TEX264: variants seen among roughly 807,000 people sequenced by gnomAD.
The protein encoded by TEX264 is testis-expressed protein 264.
A neutral mutation model predicts 23.4 loss-of-function variants in TEX264; 13 were observed. The ratio of observed to expected loss-of-function variants is 0.56; its 90% confidence interval spans 0.36 to 0.88. The LOEUF (loss-of-function observed/expected upper bound fraction) is 0.88, where lower values mean the gene tolerates loss of function less well. TEX264 is among the 40% of genes least tolerant of loss of function. The pLI, the probability that TEX264 is intolerant of heterozygous loss-of-function variation, is 0.01. For synonymous variants in TEX264, 159 were observed against 170.0 expected (o/e 0.94, Z 0.50); for missense variants, 340 against 406.8 (o/e 0.84, Z 1.41).
chr3:51,685,679 C>T (rs1357974898), intron 3 of TEX264, among the ~76,000 whole-genome samples: 1 of 152,190 alleles, frequency 6.6e-6, no homozygotes, highest in East Asian at 1.9e-4. Flanking sequence ...GTTGGAGCCA[C>T]GTCTGTACAA....
chr3:51,671,387 C>T (rs1248092775), intron 1 of TEX264, 99 bp downstream of exon 1: 1 of 152,788 alleles, frequency 6.5e-6, no homozygotes, highest in Non-Finnish European at 1.5e-5. Context: ...CGTGTCCCCT[C>T]CGTGACCCCC....
chr3:51,690,540 A>G (rs1004495921), intron 3 of TEX264, among the ~76,000 whole-genome samples: 1 of 149,212 alleles, frequency 6.7e-6, no homozygotes, highest in African/African-American at 2.5e-5. Flanking sequence ...CCTGGGTGAC[A>G]GAGCAAGACT....
rs372279086 is a variant in TEX264 at position 51,684,518 on chromosome 3, G to A, written c.364G>A (p.Val122Met). The A allele has an allele frequency of 5.6e-6, 9 of 1,614,056 alleles. No homozygotes were observed. Among genetic ancestry groups the A allele is most frequent in the African/African-American group, 2.7e-5 (2 of 74,914 alleles). ...IDLYQKFGFKVFSFPAPSHVV... is the reference protein window; with the variant it reads ...IDLYQKFGFKMFSFPAPSHVV... ...CCTCTACCAGAAATTTGGCTTCAAG[G>A]TGTTCTCCTTCCCGGCACCCAGCCA... The change falls in exon 3 of 5, where the codon GTG becomes ATG. Residue 122 changes from valine to methionine, a missense_variant. Val to Met is a conservative substitution (Grantham distance 21). Coordinates refer to ENST00000341333, the MANE Select transcript of TEX264 (RefSeq NM_015926.6).
intron 2 of TEX264, among the ~76,000 whole-genome samples, chr3:51,674,991 C>T (rs921505982): frequency 6.6e-6 from 1 of 152,220 alleles, no homozygotes; most frequent in African/African-American, 2.4e-5. Context: ...CATCCCTCAG[C>T]TCTTCTGCCA....
At chr3:51,693,336 A>G (rs1052078841) in intron 3 of TEX264, among the ~76,000 whole-genome samples, 1 of 152,024 alleles carries the variant, frequency 6.6e-6, no homozygotes, top group African/African-American at 2.4e-5. Flanking sequence ...CCACTCCTGC[A>G]GTCTTCCCCA....
At chr3:51,696,854 C>G (rs975882547) in intron 3 of TEX264, among the ~76,000 whole-genome samples, 2 of 152,212 alleles carry the variant, frequency 1.3e-5, no homozygotes, top group African/African-American at 4.8e-5. Context: ...CTCCATGCCT[C>G]CCTCCAGTAG....
intron 1 of TEX264, among the ~76,000 whole-genome samples, chr3:51,673,158 C>T (rs1385778273): frequency 6.6e-6 from 1 of 152,178 alleles, no homozygotes; most frequent in East Asian, 1.9e-4. Flanking sequence ...AAAGTTGCAG[C>T]GTGGCCTTTT....
chr3:51,681,741 G>A (rs1308017594), intron 2 of TEX264: 1 of 152,238 alleles, frequency 6.6e-6, no homozygotes, highest in Admixed American at 6.5e-5. Context: ...CTGCCATGCA[G>A]ACACTCAGTT....
intron 2 of TEX264, chr3:51,681,713 C>T (rs930124801): frequency 6.6e-6 from 1 of 152,234 alleles, no homozygotes; most frequent in Non-Finnish European, 1.5e-5. Flanking sequence ...GGGCCAGAGC[C>T]TGGATCTGTC....
chr3:51,676,562 A>C (rs935085719), intron 2 of TEX264, among the ~76,000 whole-genome samples: 1 of 152,224 alleles, frequency 6.6e-6, no homozygotes, highest in African/African-American at 2.4e-5. Flanking sequence ...TGAGGCTAGC[A>C]GTCCCGAGTT....
At position 51,686,270 on chromosome 3, in the gene TEX264, C is replaced by T. The variant is rs976724692; in HGVS notation, c.480+1636C>T. Among the ~76,000 whole-genome samples the T allele has an allele frequency of 2.0e-5, 3 of 152,132 alleles. No homozygotes were observed. The highest frequency in any genetic ancestry group is 1.9e-4 in the East Asian group (1 of 5,188). On this transcript the variant is annotated intron_variant, in intron 3 of 4. Coordinates refer to ENST00000341333, the MANE Select transcript of TEX264 (RefSeq NM_015926.6). The surrounding 1 kb of genome is among the most constrained non-coding windows in gnomAD (Gnocchi z 4.1). ...GGACAGCCTGTGGCAGCAAAGGCTG[C>T]GCAGAGGGCGTGGCCAGTGTGGCAG...
intron 3 of TEX264, among the ~76,000 whole-genome samples, chr3:51,692,040 T>A (rs947975184): frequency 1.3e-5 from 2 of 151,964 alleles, no homozygotes; most frequent in Non-Finnish European, 2.9e-5. Context: ...CTCCCTCCCT[T>A]CCCCCAGGAA....
intron 3 of TEX264, among the ~76,000 whole-genome samples, chr3:51,685,238 T>A (rs899573338): frequency 7.9e-5 from 12 of 152,242 alleles, no homozygotes; most frequent in Non-Finnish European, 2.9e-5. Context: ...GAAATTTTTT[T>A]AAAACTTGCC....
At chr3:51,678,920 A>G (rs1317522904) in intron 2 of TEX264, among the ~76,000 whole-genome samples, 1 of 152,142 alleles carries the variant, frequency 6.6e-6, no homozygotes, top group African/African-American at 2.4e-5. Flanking sequence ...GTGGGCTGGG[A>G]TGTTTCCTGA....
chr3:51,704,238 C>G lies in TEX264; in HGVS notation c.*222C>G. On this transcript the variant is annotated 3_prime_UTR_variant, in exon 5 of 5. Transcript: ENST00000341333. ...TTTTCTGCACCAGCCCCCAGGGCTG[C>G]CACCCCTGTTGTGTCTTTTTTTCAG... 2.5e-6 allele frequency: 1 copy of G among 406,940 alleles called. No homozygotes were observed. Among genetic ancestry groups the G allele is most frequent in the Non-Finnish European group, 4.3e-6 (1 of 234,200 alleles). 25.2% of individuals were successfully genotyped at this position (406,940 alleles called of 1,614,324 possible).
At chr3:51,674,705 C>A in intron 2 of TEX264, 143 bp downstream of exon 2, 1 of 998,418 alleles carries the variant, frequency 1.0e-6, no homozygotes, top group Non-Finnish European at 1.4e-6. Flanking sequence ...GAGCTTGAAG[C>A]ACCTTCCAGA....
intron 4 of TEX264, among the ~76,000 whole-genome samples, chr3:51,700,512 G>A (rs1185423749): frequency 2.0e-5 from 3 of 152,078 alleles, no homozygotes; most frequent in Admixed American, 2.0e-4. Flanking sequence ...CCTCCATGGG[G>A]TACAGCTCCC....
rs1251465888 is a variant in TEX264 at position 51,704,027 on chromosome 3, G to A, written c.*11G>A. On this transcript the variant is annotated 3_prime_UTR_variant, in exon 5 of 5. Transcript: ENST00000341333. ...AAGGGCAAGGAGTAACCCATGGCCT[G>A]CACCCTCCTGCAGTGCAGTTGCTGA... 5.4e-6 allele frequency: 8 copies of A among 1,484,426 alleles called. No individual in the cohort carries two copies. The highest frequency in any genetic ancestry group is 6.3e-6 in the Non-Finnish European group (7 of 1,118,712). The allele number at this position is 1,484,426 out of a possible 1,614,324, so 92.0% of individuals were successfully genotyped here. A position where few individuals can be genotyped will look rare whatever the true frequency, so the allele number is the denominator to read the frequency against.
At chr3:51,695,928 T>A (rs1008581814) in intron 3 of TEX264, among the ~76,000 whole-genome samples, 7 of 152,150 alleles carry the variant, frequency 4.6e-5, no homozygotes, top group African/African-American at 1.7e-4. Flanking sequence ...CCATCTTGTT[T>A]CTGCATGTGG....
Sources: allele counts gnomAD v4.1 joint callset (sites outside exome capture counted in the v4.1 genomes callset), GRCh38; gene constraint gnomAD v4.1.1; non-coding constraint Gnocchi (gnomAD v3.1); transcripts MANE v1.5; gene names NCBI Gene and HGNC (gene_info 2026-07-23, HGNC 2026-07-21).